CCDC63: variants seen among roughly 807,000 people sequenced by gnomAD.
CCDC63 encodes coiled-coil domain containing 63.
CCDC63 carries 54 observed loss-of-function variants against 63.6 expected under a neutral mutation model. The ratio of observed to expected loss-of-function variants is 0.85; its 90% CI spans 0.68 to 1.07. CCDC63 has a LOEUF of 1.07. Ranked by LOEUF, CCDC63 falls within the 50% of genes least tolerant of loss-of-function variation. The pLI is 0.00. For synonymous variants in CCDC63, 253 were observed against 266.1 expected, an observed-to-expected ratio of 0.95 and a Z score of 0.48; for missense variants, 637 against 689.6, an observed-to-expected ratio of 0.92 and a Z score of 0.86.
rs1248787746 is a variant in CCDC63, at chr12:110,899,073, G to A, written c.1290G>A (p.Val430=). The part of the protein sequence containing the change: ...KINCDATKIL[V]QLGETGKVTD... ...ACTGTGACGCCACCAAGATCCTGGTGCAGTTAGGGGAGACGGGGAAAGTCA... is the reference window on the plus strand; with the variant it reads ...ACTGTGACGCCACCAAGATCCTGGTACAGTTAGGGGAGACGGGGAAAGTCA... Residue 430 remains valine (V), a synonymous_variant, in exon 10 of 12, where the codon GTG becomes GTA. Transcript: ENST00000308208. 12 of 1,613,804 alleles carry A rather than the reference G, an allele frequency of 7.4e-6. No homozygotes were observed. The highest frequency in any genetic ancestry group is 1.0e-5 in the Non-Finnish European group (12 of 1,179,860).
chr12:110,899,973 G>A (rs1230319855), intron 10 of CCDC63, among the ~76,000 whole-genome samples: 4 of 152,102 alleles, frequency 2.6e-5, no homozygotes, highest in African/African-American at 9.6e-5. Context: ...CAGCACTTTG[G>A]GAGGCCGAGG....
At chr12:110,897,712 T>G (rs148183719) in intron 9 of CCDC63, among the ~76,000 whole-genome samples, 79 of 152,086 alleles carry the variant, frequency 5.2e-4, no homozygotes, top group African/African-American at 1.9e-3. Context: ...TGCAATGTAT[T>G]TCTTCCTGTG....
Position 110,860,493 on chromosome 12 carries a change from C to T in CCDC63, c.369+1718C>T, listed in dbSNP as rs139837494. 4.1e-3 allele frequency among the ~76,000 whole-genome samples: 630 copies of T among 152,332 alleles called. 6 individuals are homozygous for T. Among genetic ancestry groups the T allele is most frequent in the African/African-American group, 0.014 (583 of 41,566 alleles). ...CGTGCCTGTCCCAGTGTCCCGCACA[C>T]AGTAGATCCTCAGTAAACATTTACT... On this transcript the variant is annotated intron_variant, in intron 4 of 11. Transcript: ENST00000308208.
chr12:110,867,724 C>T (rs1354333158), intron 4 of CCDC63, among the ~76,000 whole-genome samples: 2 of 119,076 alleles, frequency 1.7e-5, no homozygotes, highest in African/African-American at 3.6e-5. Flanking sequence ...ACCTCCCTCC[C>T]GGACAGGGCG....
At chr12:110,881,687 A>T (rs893891634) in intron 7 of CCDC63, among the ~76,000 whole-genome samples, 1 of 151,844 alleles carries the variant, frequency 6.6e-6, no homozygotes, top group African/African-American at 2.4e-5. Context: ...ATGCCACTGC[A>T]CTCCAGCCTG....
At position 110,853,260 on chromosome 12, in the gene CCDC63, A is replaced by T. The variant is rs1178532554; in HGVS notation, c.10-145A>T. On this transcript the variant is annotated intron_variant, in intron 2 of 11. Coordinates refer to ENST00000308208, the MANE Select transcript of CCDC63 (RefSeq NM_152591.3). ...AGGGTGGGTTTTCCATGTAATAGAC[A>T]AGCAGCTGACATCACCCAAGGGAAG... 4 of 804,342 alleles carry T rather than the reference A, an allele frequency of 5.0e-6. No individual in the cohort carries two copies. In the East Asian group the frequency reaches 1.1e-4, roughly 21 times the overall value. The allele number at this position is 804,342 out of a possible 1,614,324, so 49.8% of individuals were successfully genotyped here.
intron 3 of CCDC63, among the ~76,000 whole-genome samples, chr12:110,854,555 A>G (rs865825279): frequency 6.6e-6 from 1 of 152,024 alleles, no homozygotes; most frequent in Non-Finnish European, 1.5e-5. Flanking sequence ...TCGGCCTCCT[A>G]AAGTGCTGGG....
At chr12:110,906,128 A>T (rs1315082056) in intron 11 of CCDC63, among the ~76,000 whole-genome samples, 2 of 122,998 alleles carry the variant, frequency 1.6e-5, no homozygotes, top group East Asian at 4.4e-4. Context: ...GACATTTGGC[A>T]ATATCTGAAG....
intron 9 of CCDC63, among the ~76,000 whole-genome samples, chr12:110,894,350 A>G (rs2071392395): frequency 6.6e-6 from 1 of 152,226 alleles, no homozygotes; most frequent in South Asian, 2.1e-4. Context: ...TTAGTTGGTC[A>G]CATTGCCACC....
rs538513332 is a variant in CCDC63 at position 110,854,822 on chromosome 12, A to G, written c.179+1248A>G. Among the ~76,000 whole-genome samples, 8 of 152,298 alleles carry G rather than the reference A, an allele frequency of 5.3e-5. No individual in the cohort carries two copies. The East Asian group carries it at 5.8e-4, about 11-fold the overall frequency. ...TTATTTTTATTTTTATTTTTGAGAC[A>G]GGGTCTGGCTCTGTAACCCAGGCTG... On this transcript the variant is annotated intron_variant, in intron 3 of 11. Coordinates refer to ENST00000308208, the MANE Select transcript of CCDC63 (RefSeq NM_152591.3).
chr12:110,900,549 G>C (rs752044488), intron 10 of CCDC63, among the ~76,000 whole-genome samples: 14 of 151,750 alleles, frequency 9.2e-5, no homozygotes, highest in Non-Finnish European at 1.8e-4. Context: ...CATAGATCCT[G>C]ACAATTTGGA....
intron 4 of CCDC63, among the ~76,000 whole-genome samples, chr12:110,872,440 G>A (rs1005597872): frequency 2.0e-5 from 3 of 152,158 alleles, no homozygotes; most frequent in Non-Finnish European, 4.4e-5. Context: ...TCCACAACTC[G>A]AAGAACATGA....
chr12:110,856,616 T>C (rs2070774360), intron 3 of CCDC63, among the ~76,000 whole-genome samples: 1 of 152,002 alleles, frequency 6.6e-6, no homozygotes, highest in African/African-American at 2.4e-5. Context: ...AATAGCCGCA[T>C]TTCAAGTGCT....
intron 4 of CCDC63, among the ~76,000 whole-genome samples, chr12:110,861,028 C>A (rs998690600): frequency 6.6e-6 from 1 of 152,084 alleles, no homozygotes; most frequent in African/African-American, 2.4e-5. Flanking sequence ...GGAGCAGGCA[C>A]GTCACATGGC....
At chr12:110,869,022 A>C (rs1226549078) in intron 4 of CCDC63, among the ~76,000 whole-genome samples, 1 of 152,104 alleles carries the variant, frequency 6.6e-6, no homozygotes, top group Non-Finnish European at 1.5e-5. Context: ...CTTCCCATGA[A>C]GATAGCTGAG....
intron 4 of CCDC63, among the ~76,000 whole-genome samples, chr12:110,867,541 T>G: frequency 8.9e-6 from 1 of 112,108 alleles, no homozygotes; most frequent in South Asian, 3.0e-4. Context: ...CCCCCCCACC[T>G]CCCTCCCGGA....
At chr12:110,868,592 G>A (rs1269059473) in intron 4 of CCDC63, among the ~76,000 whole-genome samples, 3 of 151,698 alleles carry the variant, frequency 2.0e-5, no homozygotes, top group African/African-American at 4.8e-5. Flanking sequence ...GTGGCGGCGC[G>A]TGCCTGCAAT....
intron 10 of CCDC63, among the ~76,000 whole-genome samples, chr12:110,900,498 A>G (rs911015816): frequency 6.6e-6 from 1 of 152,174 alleles, no homozygotes; most frequent in Non-Finnish European, 1.5e-5. Flanking sequence ...ATTTCTAGGC[A>G]TTGACCCTAA....
At chr12:110,848,688 T>C (rs145629591) in intron 1 of CCDC63, among the ~76,000 whole-genome samples, 7 of 152,314 alleles carry the variant, frequency 4.6e-5, no homozygotes, top group Admixed American at 4.6e-4. Flanking sequence ...CTAACCACTT[T>C]ACAGACATTA....
Sources: gnomAD v4.1 joint callset for allele counts (sites outside exome capture counted in the v4.1 genomes callset) on GRCh38, gnomAD v4.1.1 for gene constraint, MANE v1.5 for transcripts, NCBI Gene and HGNC (gene_info 2026-07-23, HGNC 2026-07-21) for gene names.